The following LRP1B variants were observed in gnomAD, a reference collection of about 807,000 sequenced individuals.
The protein encoded by LRP1B is low-density lipoprotein receptor-related protein 1B.
In LRP1B, 217 loss-of-function variants were observed where a neutral mutation model predicts 556.6. The ratio of observed to expected loss-of-function variants is 0.39; its 90% CI spans 0.35 to 0.44. The LOEUF (loss-of-function observed/expected upper bound fraction) is 0.44. Ranked by LOEUF, LRP1B falls within the 20% of genes least tolerant of loss-of-function variation. LRP1B has a pLI of 1.00. For synonymous variants in LRP1B, 2,047 were observed against 1,865.8 expected (o/e 1.10, Z -2.50); for missense variants, 5,053 against 5,620.8 (o/e 0.90, Z 3.23).
chr2:142,049,347 T>C (rs1247496293), intron 1 of LRP1B, among the ~76,000 whole-genome samples: 4 of 152,134 alleles, frequency 2.6e-5, no homozygotes, highest in Non-Finnish European at 5.9e-5. Flanking sequence ...CTCTTATATC[T>C]TGCTTACATC....
At chr2:140,746,931 A>T (rs1530260) in intron 35 of LRP1B, among the ~76,000 whole-genome samples, 51 of 151,876 alleles carry the variant, frequency 3.4e-4, no homozygotes, top group Non-Finnish European at 7.4e-5. Flanking sequence ...TGAAAAATTA[A>T]GAAAAAAAAT....
intron 18 of LRP1B, among the ~76,000 whole-genome samples, chr2:140,973,164 T>C (rs984383788): frequency 3.3e-5 from 5 of 150,928 alleles, no homozygotes; most frequent in South Asian, 2.1e-4. Flanking sequence ...ACACTCAATA[T>C]AATAGCAAAT....
At chr2:141,468,309 A>G (rs544869336) in intron 3 of LRP1B, among the ~76,000 whole-genome samples, 2 of 152,326 alleles carry the variant, frequency 1.3e-5, no homozygotes, top group East Asian at 1.9e-4. Context: ...TGCAAACCTC[A>G]TCTTACACTG....
intron 84 of LRP1B, among the ~76,000 whole-genome samples, chr2:140,279,746 C>CTT (rs1335381863): frequency 6.6e-6 from 1 of 151,830 alleles, no homozygotes; most frequent in African/African-American, 2.4e-5. Context: ...CTAAAGGTTA[C>CTT]TTTACTGATC....
intron 2 of LRP1B, among the ~76,000 whole-genome samples, chr2:141,746,504 C>T (rs532131300): frequency 4.6e-5 from 7 of 152,158 alleles, no homozygotes; most frequent in South Asian, 4.1e-4. Flanking sequence ...CTCCATGCCA[C>T]GTGGCTGCTG....
chr2:141,139,194 C>T (rs1010584665), intron 7 of LRP1B, among the ~76,000 whole-genome samples: 3 of 151,548 alleles, frequency 2.0e-5, no homozygotes, highest in Admixed American at 6.6e-5. Flanking sequence ...ACAATTAACT[C>T]GATATGAATC....
intron 59 of LRP1B, among the ~76,000 whole-genome samples, chr2:140,480,930 C>T (rs1688210469): frequency 6.6e-6 from 1 of 151,534 alleles, no homozygotes; most frequent in Admixed American, 6.6e-5. Flanking sequence ...GCAGTGGCAC[C>T]ATCTGGGCTC....
intron 20 of LRP1B, among the ~76,000 whole-genome samples, chr2:140,942,963 G>T (rs1695443614): frequency 6.6e-6 from 1 of 152,052 alleles, no homozygotes; most frequent in South Asian, 2.1e-4. Flanking sequence ...TAGTCTAAAT[G>T]CTTCACTTAA....
At chr2:140,555,141 T>C (rs16844252) in intron 43 of LRP1B, among the ~76,000 whole-genome samples, 2,708 of 151,770 alleles carry the variant, frequency 0.018, 26 homozygotes, top group Middle Eastern at 0.027. Flanking sequence ...CAAAAGAGGA[T>C]ATATTAAATC....
In LRP1B at chr2:141,454,364, T is replaced by C. The variant is rs1681549501; in HGVS notation, c.343+26032A>G. On this transcript the variant is annotated intron_variant, in intron 3 of 90. Transcript: ENST00000389484. The stretch of plus-strand genomic sequence containing the variant: ...CCCTCCTGAGTGAGTGAAAGTATAC[T>C]TATCAGGTAACAGCAAGACAAGAGA... Among the ~76,000 whole-genome samples the C allele has an allele frequency of 2.0e-5, 3 of 152,144 alleles. 1 individual carries two copies. Among genetic ancestry groups the C allele is most frequent in the Admixed American group, 2.0e-4 (3 of 15,266 alleles).
At chr2:141,798,240 C>G (rs760695751) in intron 2 of LRP1B, among the ~76,000 whole-genome samples, 4 of 151,938 alleles carry the variant, frequency 2.6e-5, no homozygotes, top group Non-Finnish European at 4.4e-5. Context: ...AGAAAAAATG[C>G]AACAAAATGT....
chr2:140,979,106 A>G (rs947416875), intron 18 of LRP1B, among the ~76,000 whole-genome samples: 1 of 152,088 alleles, frequency 6.6e-6, no homozygotes, highest in Non-Finnish European at 1.5e-5. Context: ...CAGCCTCTCG[A>G]GTAGCTGGGA....
At chr2:140,536,477 TTAAA>T (rs1435770197) in intron 46 of LRP1B, 100 bp downstream of exon 46, 1 of 1,103,392 alleles carries the variant, frequency 9.1e-7, no homozygotes, top group South Asian at 1.5e-5. Context: ...ATGAGAGACA[TTAAA>T]TAAATTATCC....
chr2:141,687,233 G>A (rs1038480647), intron 2 of LRP1B, among the ~76,000 whole-genome samples: 5 of 151,990 alleles, frequency 3.3e-5, no homozygotes, highest in African/African-American at 1.2e-4. Flanking sequence ...AATCAGAGAT[G>A]CCACAGTTTG....
At chr2:140,445,319 G>A (rs570088713) in intron 63 of LRP1B, among the ~76,000 whole-genome samples, 2 of 152,068 alleles carry the variant, frequency 1.3e-5, no homozygotes, top group African/African-American at 4.8e-5. Context: ...GTTTCACCAT[G>A]TTGGCCAGGC....
intron 7 of LRP1B, among the ~76,000 whole-genome samples, chr2:141,141,702 A>C (rs542710785): frequency 4.1e-4 from 63 of 152,292 alleles, no homozygotes; most frequent in African/African-American, 1.4e-3. Context: ...GACAATTTCT[A>C]AGGACATTAA....
At chr2:140,870,456 G>T (rs1360646131) in intron 25 of LRP1B, among the ~76,000 whole-genome samples, 1 of 152,090 alleles carries the variant, frequency 6.6e-6, no homozygotes, top group African/African-American at 2.4e-5. Context: ...CTGGTCCTCT[G>T]ATTCTTTATT....
At chr2:140,958,321 A>T (rs1163308903) in intron 18 of LRP1B, among the ~76,000 whole-genome samples, 3 of 151,576 alleles carry the variant, frequency 2.0e-5, no homozygotes, top group African/African-American at 7.2e-5. Flanking sequence ...TAAGGACAAA[A>T]ATAAAAACCA....
intron 1 of LRP1B, among the ~76,000 whole-genome samples, chr2:142,080,575 G>A (rs1705674966): frequency 6.6e-6 from 1 of 151,468 alleles, no homozygotes; most frequent in African/African-American, 2.4e-5. Flanking sequence ...AATTAAAGGT[G>A]TTGAAATAAT....
Sources: gnomAD v4.1 joint callset for allele counts (sites outside exome capture counted in the v4.1 genomes callset) on GRCh38, gnomAD v4.1.1 for gene constraint, MANE v1.5 for transcripts, NCBI Gene and HGNC (gene_info 2026-07-23, HGNC 2026-07-21) for gene names.